UGT1A6: variants seen among roughly 807,000 people sequenced by gnomAD.
UGT1A6 encodes the protein UDP-glucuronosyltransferase 1A6.
In UGT1A6, 32 loss-of-function variants were observed where a neutral mutation model predicts 44.4. That is an observed-to-expected ratio of 0.72 (90% CI 0.54 to 0.97). The LOEUF (loss-of-function observed/expected upper bound fraction) is 0.97. Ranked by LOEUF, UGT1A6 falls within the 50% of genes least tolerant of loss-of-function variation. UGT1A6 has a pLI of 0.00. For missense variants in UGT1A6, 685 were observed against 661.9 expected (o/e 1.03, Z -0.38); for synonymous variants, 238 against 248.5 (o/e 0.96, Z 0.40).
At position 233,743,108 on chromosome 2, in the gene UGT1A6, C is replaced by G. The variant is rs1240722532; in HGVS notation, c.862-23926C>G. ...TTATAAATTCTTGGGTACAGCTGTT[C>G]TGAAAGTAAAGTTCACTTTCAATCC... On this transcript the variant is annotated intron_variant, in intron 1 of 4. Transcript: ENST00000305139. The G allele has an allele frequency of 4.8e-5, 17 of 354,252 alleles. No homozygotes were observed. The East Asian group carries it at 6.6e-4, about 14-fold the overall frequency. The allele number at this position is 354,252 out of a possible 1,614,324, so 21.9% of individuals were successfully genotyped here.
intron 1 of UGT1A6, chr2:233,719,286 C>A (rs1465114425): frequency 1.2e-6 from 2 of 1,614,082 alleles, no homozygotes; most frequent in Non-Finnish European, 1.7e-6. Context: ...CCCCGTTAAC[C>A]TCTGTGGGGC....
intron 1 of UGT1A6, chr2:233,755,429 C>T (rs1352884628): frequency 3.1e-6 from 1 of 319,032 alleles, no homozygotes; most frequent in Non-Finnish European, 6.1e-6. Flanking sequence ...CGCCTCGCAT[C>T]CCAAGATGCA....
intron 1 of UGT1A6, among the ~76,000 whole-genome samples, chr2:233,709,615 G>T (rs2076084906): frequency 6.6e-6 from 1 of 152,104 alleles, no homozygotes; most frequent in Admixed American, 6.5e-5. Context: ...ATTAAATATA[G>T]GTGTTTTGCT....
chr2:233,772,878 G>A lies in UGT1A6; in HGVS notation c.*319G>A. ...GAAACATGGCCTGTTTGGGAGTGCG[G>A]GATTCAAAGGTGGTCCCACGGCTGC... is the stretch of plus-strand genomic sequence containing the variant. On this transcript the variant is annotated 3_prime_UTR_variant, in exon 5 of 5. Coordinates refer to ENST00000305139, the MANE Select transcript of UGT1A6 (RefSeq NM_001072.4). 1 of 577,674 alleles carries A rather than the reference G, an allele frequency of 1.7e-6. No individual in the cohort carries two copies. 35.8% of individuals were successfully genotyped at this position (577,674 alleles called of 1,614,324 possible). A position where few individuals can be genotyped will look rare whatever the true frequency, so the allele number is the denominator to read the frequency against.
At chr2:233,725,066 A>G (rs1162787353) in intron 1 of UGT1A6, among the ~76,000 whole-genome samples, 1 of 146,718 alleles carries the variant, frequency 6.8e-6, no homozygotes, top group South Asian at 2.3e-4. Flanking sequence ...GCGCGCCTGC[A>G]ATCGCAGGCA....
At chr2:233,700,559 AT>A (rs1186450752) in intron 1 of UGT1A6, among the ~76,000 whole-genome samples, 1 of 152,204 alleles carries the variant, frequency 6.6e-6, no homozygotes, top group African/African-American at 2.4e-5. Context: ...GGTTATAAAA[AT>A]ATAACTTTAT....
chr2:233,769,419 A>C lies in UGT1A6; in HGVS notation c.1301+980A>C. The stretch of plus-strand genomic sequence containing the variant: ...TGCATATGTGCGTGTGCGTTTGTGC[A>C]TGTGGCTGTGCTCATGTGTGGGTGC... On this transcript the variant is annotated intron_variant, in intron 4 of 4. Coordinates refer to ENST00000305139, the MANE Select transcript of UGT1A6 (RefSeq NM_001072.4). This position sits in a 1 kb window ranked among gnomAD's most constrained non-coding sequence, Gnocchi z 4.4. 1.4e-6 allele frequency: 2 copies of C among 1,450,006 alleles called. No individual in the cohort carries two copies. The highest frequency in any genetic ancestry group is 9.6e-7 in the Non-Finnish European group (1 of 1,044,304). 89.8% of individuals were successfully genotyped at this position (1,450,006 alleles called of 1,614,324 possible).
Position 233,712,946 on chromosome 2 carries a change from G to C in UGT1A6, c.861+19081G>C, listed in dbSNP as rs541299523. The C allele has an allele frequency of 5.3e-5, 86 of 1,612,678 alleles. 1 individual carries two copies. In the South Asian group the frequency reaches 8.8e-4, roughly 16 times the overall value. On this transcript the variant is annotated intron_variant, in intron 1 of 4. Coordinates refer to ENST00000305139, the MANE Select transcript of UGT1A6 (RefSeq NM_001072.4). ...TAAGACGAAGGAAACAATTCTAGGA[G>C]GCACAACGTGGGGTGGACAGTCAGC...
chr2:233,705,467 A>G (rs1370411628), intron 1 of UGT1A6, among the ~76,000 whole-genome samples: 1 of 152,208 alleles, frequency 6.6e-6, no homozygotes, highest in African/African-American at 2.4e-5. Flanking sequence ...TAGCAGACAC[A>G]CATGAGGCAA....
intron 1 of UGT1A6, among the ~76,000 whole-genome samples, chr2:233,731,894 C>A (rs1470586397): frequency 6.6e-6 from 1 of 152,238 alleles, no homozygotes; most frequent in Non-Finnish European, 1.5e-5. Context: ...AATTTACACT[C>A]CCACCAATGG....
Position 233,720,841 on chromosome 2 carries a change from G to A in UGT1A6, c.861+26976G>A, listed in dbSNP as rs529446200. 1.9e-4 allele frequency among the ~76,000 whole-genome samples: 29 copies of A among 151,182 alleles called. 2 individuals carry two copies. Among genetic ancestry groups the A allele is most frequent in the Middle Eastern group, 6.9e-3 (2 of 290 alleles). ...CCACCTCAGTCTCCTGAGTAACTGG[G>A]ACTGCAGGCATGTGCCACTGCTCCT... On this transcript the variant is annotated intron_variant, in intron 1 of 4. Coordinates refer to ENST00000305139, the MANE Select transcript of UGT1A6 (RefSeq NM_001072.4).
At chr2:233,697,544 C>A (rs2075397492) in intron 1 of UGT1A6, among the ~76,000 whole-genome samples, 1 of 149,170 alleles carries the variant, frequency 6.7e-6, no homozygotes, top group African/African-American at 2.5e-5. Flanking sequence ...TTGGTCTTTG[C>A]ATTGTTTATT....
chr2:233,713,340 A>G, intron 1 of UGT1A6: 1 of 1,614,260 alleles, frequency 6.2e-7, no homozygotes, highest in Non-Finnish European at 8.5e-7. Context: ...AATGGCAATT[A>G]TGAACAATAT....
At position 233,718,952 on chromosome 2, in the gene UGT1A6, G is replaced by A. The variant is rs773069421; in HGVS notation, c.861+25087G>A. The stretch of plus-strand genomic sequence containing the variant: ...CTGATGGCAGCCCCTGGCTCAGCAT[G>A]CGGGAGGCCTTGCGGGAGCTCCATG... On this transcript the variant is annotated intron_variant, in intron 1 of 4. Transcript: ENST00000305139. 25 of 1,614,082 alleles carry A rather than the reference G, an allele frequency of 1.5e-5. No homozygotes were observed. In the Admixed American group the frequency reaches 2.2e-4, roughly 14 times the overall value.
intron 1 of UGT1A6, among the ~76,000 whole-genome samples, chr2:233,724,206 A>T (rs2077188856): frequency 1.7e-5 from 2 of 117,190 alleles, no homozygotes; most frequent in African/African-American, 3.7e-5. Flanking sequence ...GGCCGGGCTG[A>T]GGGGCTCCTC....
At chr2:233,716,512 C>T (rs1056007201) in intron 1 of UGT1A6, among the ~76,000 whole-genome samples, 3 of 152,196 alleles carry the variant, frequency 2.0e-5, no homozygotes, top group Non-Finnish European at 4.4e-5. Flanking sequence ...TCAGAGCTCT[C>T]AGCTTACCAT....
In UGT1A6 at chr2:233,712,300, T is replaced by C. The variant is rs189228141; in HGVS notation, c.861+18435T>C. Among the ~76,000 whole-genome samples the C allele has an allele frequency of 8.4e-4, 128 of 151,886 alleles. 1 individual carries two copies. The highest frequency in any genetic ancestry group is 3.4e-3 in the Middle Eastern group (1 of 294). On this transcript the variant is annotated intron_variant, in intron 1 of 4. Coordinates refer to ENST00000305139, the MANE Select transcript of UGT1A6 (RefSeq NM_001072.4). ...AGCACCTCTTCTTCCATGGTGTAGA[T>C]GGAGAATCCTCAACAAAGCCTTTCC...
At chr2:233,692,098 G>T (rs1311046978), upstream of UGT1A6, 2 of 152,140 alleles carry the variant, frequency 1.3e-5, no homozygotes, top group African/African-American at 4.8e-5. Flanking sequence ...TTTGATCACC[G>T]ATGGGCAACA....
At chr2:233,713,179 T>A in intron 1 of UGT1A6, 1 of 1,614,174 alleles carries the variant, frequency 6.2e-7, no homozygotes, top group African/African-American at 1.3e-5. Context: ...GTCCTCACCC[T>A]GGAGGTGAAT....
Sources: gnomAD v4.1 joint callset for allele counts (sites outside exome capture counted in the v4.1 genomes callset) on GRCh38, gnomAD v4.1.1 for gene constraint, Gnocchi (gnomAD v3.1) non-coding constraint, MANE v1.5 for transcripts, NCBI Gene and HGNC (gene_info 2026-07-23, HGNC 2026-07-21) for gene names.